STARD13: variants seen among roughly 807,000 people sequenced by gnomAD.
STARD13 encodes StAR related lipid transfer domain containing 13.
STARD13 carries 62 observed loss-of-function variants against 106.4 expected under a neutral mutation model. The ratio of observed to expected loss-of-function variants is 0.58; its 90% CI spans 0.48 to 0.72. The LOEUF (loss-of-function observed/expected upper bound fraction) is 0.72. Ranked by LOEUF, STARD13 falls within the 30% of genes least tolerant of loss-of-function variation. The probability of loss-of-function intolerance (pLI) is 0.00; values close to 1 mark genes in which losing one functional copy is unlikely to be tolerated. For synonymous variants in STARD13, 565 were observed against 553.0 expected (o/e 1.02, Z -0.31); for missense variants, 1,387 against 1,424.0 (o/e 0.97, Z 0.42).
rs1375600439 is a variant in STARD13, at chr13:33,350,400, C to G, written c.14G>C (p.Arg5Pro). 5 of 1,533,280 alleles carry G rather than the reference C, an allele frequency of 3.3e-6. No homozygotes were observed. In the African/African-American group the frequency reaches 5.5e-5, roughly 17 times the overall value. 95.0% of individuals were successfully genotyped at this position (1,533,280 alleles called of 1,614,324 possible). The change falls in exon 1 of 2, where the codon CGG becomes CCG. Residue 5 changes from arginine (R) to proline (P), a missense_variant. Coordinates refer to the STARD13 transcript ENST00000439831. ...CCTGAGCTGCGTTTGGCAAGGTTTC[C>G]GTTTGCTGGTCATTTTAGATCCGTC...
chr13:33,306,509 G>A (rs569934634), intron 1 of STARD13, among the ~76,000 whole-genome samples: 1 of 152,274 alleles, frequency 6.6e-6, no homozygotes, highest in African/African-American at 2.4e-5. Flanking sequence ...CTTCTGCACA[G>A]CAAAATAAAC....
the STARD13 span, among the ~76,000 whole-genome samples, chr13:33,374,641 G>T: frequency 6.6e-6 from 1 of 152,112 alleles, no homozygotes; most frequent in Non-Finnish European, 1.5e-5. Flanking sequence ...ATTTTTCATG[G>T]AGTATATAGT....
At chr13:33,300,919 G>A (rs188200502) in intron 1 of STARD13, among the ~76,000 whole-genome samples, 9 of 152,032 alleles carry the variant, frequency 5.9e-5, no homozygotes, top group East Asian at 3.9e-4. Context: ...CGCTTCCCTC[G>A]TACTGAGCTA....
At chr13:33,247,758 C>T (rs554209769) in intron 1 of STARD13, among the ~76,000 whole-genome samples, 3 of 152,252 alleles carry the variant, frequency 2.0e-5, no homozygotes, top group East Asian at 3.9e-4. Flanking sequence ...CTACTGCTAT[C>T]GCCCAAAACG....
At chr13:33,251,677 C>T (rs1890100597) in intron 1 of STARD13, among the ~76,000 whole-genome samples, 1 of 152,196 alleles carries the variant, frequency 6.6e-6, no homozygotes, top group African/African-American at 2.4e-5. Context: ...AAAGAAAATA[C>T]ATATGTCTAA....
At chr13:33,638,947 CT>C in the STARD13 span, among the ~76,000 whole-genome samples, 28 of 150,680 alleles carry the variant, frequency 1.9e-4, no homozygotes, top group East Asian at 4.9e-3. Flanking sequence ...TTTAGCTAAC[CT>C]TTTTTTTTGG....
intron 4 of STARD13, among the ~76,000 whole-genome samples, chr13:33,140,511 A>G (rs1201384243): frequency 6.6e-6 from 1 of 152,126 alleles, no homozygotes; most frequent in Non-Finnish European, 1.5e-5. Flanking sequence ...TCATGTTTTA[A>G]TATTTCTCTG....
the STARD13 span, among the ~76,000 whole-genome samples, chr13:33,407,412 T>A: frequency 1.3e-5 from 2 of 152,202 alleles, no homozygotes; most frequent in African/African-American, 2.4e-5. Context: ...AAGGGTAGAA[T>A]ACCCACCAAA....
In STARD13 at chr13:33,266,018, C is replaced by A. The variant is rs1046989494; in HGVS notation, c.169+19452G>T. 2.6e-5 allele frequency among the ~76,000 whole-genome samples: 4 copies of A among 152,154 alleles called. No individual in the cohort carries two copies. The East Asian group carries it at 7.7e-4, about 29-fold the overall frequency. ...CTTGTATTTATAATTTCTTTATCAC[C>A]ATAGTTAAGATCCTCATCCCTCATG... is the stretch of plus-strand genomic sequence containing the variant. On this transcript the variant is annotated intron_variant, in intron 1 of 13. Coordinates refer to ENST00000336934, the MANE Select transcript of STARD13 (RefSeq NM_178006.4).
the STARD13 span, among the ~76,000 whole-genome samples, chr13:33,519,096 C>T: frequency 6.6e-6 from 1 of 152,096 alleles, no homozygotes; most frequent in Admixed American, 6.6e-5. Context: ...TTATGCATCA[C>T]CAGCCCCCAG....
At chr13:33,174,426 T>C (rs1353302069) in intron 1 of STARD13, among the ~76,000 whole-genome samples, 2 of 152,146 alleles carry the variant, frequency 1.3e-5, no homozygotes, top group Non-Finnish European at 1.5e-5. Flanking sequence ...TGCTTGGCCA[T>C]ATGACCCACT....
chr13:33,123,805 G>A (rs989418907), intron 7 of STARD13, among the ~76,000 whole-genome samples: 9 of 152,224 alleles, frequency 5.9e-5, no homozygotes, highest in African/African-American at 1.9e-4. Flanking sequence ...TATATGCGAG[G>A]CGAGTGTTTA....
intron 1 of STARD13, among the ~76,000 whole-genome samples, chr13:33,305,324 A>G (rs952186125): frequency 6.6e-6 from 1 of 152,250 alleles, no homozygotes; most frequent in Non-Finnish European, 1.5e-5. Context: ...ATCCAGAATG[A>G]GTTAAGCAGA....
chr13:33,624,959 G>A, the STARD13 span, among the ~76,000 whole-genome samples: 4 of 152,176 alleles, frequency 2.6e-5, no homozygotes, highest in African/African-American at 9.7e-5. Flanking sequence ...GTCAGAATCT[G>A]TACAAGGAAG....
At chr13:33,526,878 C>G in the STARD13 span, among the ~76,000 whole-genome samples, 1 of 152,054 alleles carries the variant, frequency 6.6e-6, no homozygotes, top group African/African-American at 2.4e-5. Flanking sequence ...GAAGACAATA[C>G]TTCCTGTGTC....
At chr13:33,434,689 G>A in the STARD13 span, among the ~76,000 whole-genome samples, 1 of 152,006 alleles carries the variant, frequency 6.6e-6, no homozygotes, top group Admixed American at 6.6e-5. Context: ...AGATAAACAC[G>A]AGATCTTCCT....
intron 3 of STARD13, 149 bp from the exon 4 acceptor site, chr13:33,142,522 T>C (rs1262725137): frequency 2.9e-6 from 2 of 679,724 alleles, no homozygotes; most frequent in Non-Finnish European, 5.1e-6. Flanking sequence ...GAAGGTATGC[T>C]ATATAGTAGT....
intron 1 of STARD13, among the ~76,000 whole-genome samples, chr13:33,177,327 G>A (rs1450514570): frequency 6.6e-6 from 1 of 152,124 alleles, no homozygotes; most frequent in Middle Eastern, 3.2e-3. Flanking sequence ...CCTAAGATTT[G>A]AAAAACTTAC....
At chr13:33,579,164 G>A in the STARD13 span, among the ~76,000 whole-genome samples, 942 of 152,182 alleles carry the variant, frequency 6.2e-3, 10 homozygotes, top group African/African-American at 0.021. Flanking sequence ...TCTACTCAAA[G>A]GAAAATAAAT....
Sources: gnomAD v4.1 joint callset for allele counts (sites outside exome capture counted in the v4.1 genomes callset) on GRCh38, gnomAD v4.1.1 for gene constraint, MANE v1.5 for transcripts, NCBI Gene and HGNC (gene_info 2026-07-23, HGNC 2026-07-21) for gene names.